The following SUCLG2 variants were observed in gnomAD, a reference collection of about 807,000 sequenced individuals.
SUCLG2 encodes succinate-CoA ligase GDP-forming subunit beta, also known as succinate--CoA ligase [GDP-forming] subunit beta, mitochondrial.
Under a neutral mutation model 47.9 loss-of-function variants are expected in SUCLG2, and 42 were observed. The observed-to-expected ratio is 0.88, with a 90% CI of 0.69 to 1.14. SUCLG2 has a LOEUF of 1.14. Among genes scored for constraint, SUCLG2 ranks in the 50% most tolerant of loss-of-function variants. SUCLG2 has a pLI of 0.00. For missense variants in SUCLG2, 571 were observed against 525.9 expected, an observed-to-expected ratio of 1.09 and a Z score of -0.84; for synonymous variants, 195 against 197.3, an observed-to-expected ratio of 0.99 and a Z score of 0.10.
At chr3:67,628,489 T>C (rs1010708558) in intron 1 of SUCLG2, among the ~76,000 whole-genome samples, 3 of 152,210 alleles carry the variant, frequency 2.0e-5, no homozygotes, top group Admixed American at 2.0e-4. Flanking sequence ...GAAGGGTGTC[T>C]AGCTGACCAC....
chr3:67,637,053 G>A (rs1197607972), intron 1 of SUCLG2, among the ~76,000 whole-genome samples: 2 of 152,094 alleles, frequency 1.3e-5, no homozygotes, highest in African/African-American at 4.8e-5. Flanking sequence ...CAGGAAGAGA[G>A]AGGGGCAGCT....
chr3:67,606,997 C>T (rs1422949429), intron 2 of SUCLG2, among the ~76,000 whole-genome samples: 6 of 152,152 alleles, frequency 3.9e-5, no homozygotes, highest in South Asian at 2.1e-4. Flanking sequence ...AAAGTACCTG[C>T]GACTTACTCT....
rs138428557 is a variant in SUCLG2 at position 67,616,180 on chromosome 3, G to A, written c.85-6584C>T. On this transcript the variant is annotated intron_variant, in intron 1 of 10. Transcript: ENST00000307227. The stretch of plus-strand genomic sequence containing the variant: ...TGGATTATAAGAGTTACAACATGGG[G>A]GATGTCACCTGACCCACATGTGCAT... 4.0e-3 allele frequency among the ~76,000 whole-genome samples: 615 copies of A among 152,148 alleles called. 2 individuals are homozygous for A. The highest frequency in any genetic ancestry group is 0.027 in the Middle Eastern group (8 of 294).
intron 9 of SUCLG2, chr3:67,408,775 T>C (rs1352170477): frequency 7.4e-7 from 1 of 1,354,012 alleles, no homozygotes; most frequent in Non-Finnish European, 9.5e-7. Flanking sequence ...AATTATGTAT[T>C]ATAACTTTCC....
At chr3:67,537,844 T>C (rs11928786) in intron 2 of SUCLG2, among the ~76,000 whole-genome samples, 3,395 of 152,340 alleles carry the variant, frequency 0.022, 128 homozygotes, top group African/African-American at 0.078. Flanking sequence ...TTTTTTCATG[T>C]TTGTTGGCCA....
chr3:67,485,612 A>G (rs1279777927), intron 9 of SUCLG2, among the ~76,000 whole-genome samples: 1 of 152,228 alleles, frequency 6.6e-6, no homozygotes, highest in Non-Finnish European at 1.5e-5. Flanking sequence ...TTTTAAAATG[A>G]TAATAGTGGT....
chr3:67,535,411 G>A (rs1485004571), intron 2 of SUCLG2, among the ~76,000 whole-genome samples: 1 of 151,960 alleles, frequency 6.6e-6, no homozygotes, highest in East Asian at 1.9e-4. Flanking sequence ...AGGAGGAGCT[G>A]GGGAAAAGGA....
chr3:67,594,345 C>T (rs1189099508), intron 2 of SUCLG2, among the ~76,000 whole-genome samples: 1 of 152,218 alleles, frequency 6.6e-6, no homozygotes, highest in African/African-American at 2.4e-5. Context: ...TGCCAGACCT[C>T]ACCATACTAT....
rs138064787 is a variant in SUCLG2, at chr3:67,410,866, C to T, written c.1063-10015G>A. 2.0e-3 allele frequency among the ~76,000 whole-genome samples: 311 copies of T among 152,266 alleles called. 2 individuals are homozygous for T. The highest frequency in any genetic ancestry group is 0.016 in the Admixed American group (245 of 15,288). On this transcript the variant is annotated intron_variant, in intron 9 of 10. Transcript: ENST00000307227. ...AGATAATTGCTTTCAAAGCAGGATA[C>T]TCATTGCTTATAATGCAGTATCTAT...
At chr3:67,461,079 T>C (rs528249688) in intron 9 of SUCLG2, among the ~76,000 whole-genome samples, 2 of 152,290 alleles carry the variant, frequency 1.3e-5, no homozygotes, top group Non-Finnish European at 1.5e-5. Flanking sequence ...CTGAAAGACA[T>C]TCCAATTACA....
intron 2 of SUCLG2, among the ~76,000 whole-genome samples, chr3:67,552,396 G>C (rs1188221962): frequency 6.6e-6 from 1 of 152,168 alleles, no homozygotes; most frequent in East Asian, 1.9e-4. Flanking sequence ...CCACTCTATT[G>C]GTGTATTCAT....
At chr3:67,428,420 T>C (rs913510571) in intron 9 of SUCLG2, among the ~76,000 whole-genome samples, 1 of 152,064 alleles carries the variant, frequency 6.6e-6, no homozygotes, top group African/African-American at 2.4e-5. Context: ...AGAAAGGACA[T>C]CCACACCGAA....
chr3:67,509,955 G>C (rs1468619165), intron 6 of SUCLG2, among the ~76,000 whole-genome samples: 1 of 152,120 alleles, frequency 6.6e-6, no homozygotes, highest in East Asian at 1.9e-4. Flanking sequence ...GCAGTGGTGA[G>C]AGATGGAGGT....
At chr3:67,456,627 TAAGCC>T (rs1397432965) in intron 9 of SUCLG2, among the ~76,000 whole-genome samples, 2 of 152,200 alleles carry the variant, frequency 1.3e-5, no homozygotes, top group African/African-American at 4.8e-5. Flanking sequence ...AAATCAATTG[TAAGCC>T]AGACAGGAAA....
intron 10 of SUCLG2, among the ~76,000 whole-genome samples, chr3:67,393,844 C>A (rs539076370): frequency 2.0e-5 from 3 of 152,162 alleles, no homozygotes; most frequent in African/African-American, 7.2e-5. Flanking sequence ...AACGATCAGA[C>A]AGCAGCATTC....
intron 9 of SUCLG2, among the ~76,000 whole-genome samples, chr3:67,484,634 G>A (rs1325822733): frequency 2.6e-5 from 4 of 151,864 alleles, no homozygotes; most frequent in Admixed American, 1.3e-4. Flanking sequence ...TGGGGAAGGG[G>A]GCAAACAAAC....
chr3:67,570,141 C>A (rs1707567712), intron 2 of SUCLG2, among the ~76,000 whole-genome samples: 1 of 152,198 alleles, frequency 6.6e-6, no homozygotes, highest in Non-Finnish European at 1.5e-5. Context: ...AGGTAATCAT[C>A]TGCAAGTCAA....
At chr3:67,408,766 A>C (rs1272013151) in intron 9 of SUCLG2, 1 of 1,345,890 alleles carries the variant, frequency 7.4e-7, no homozygotes, top group Non-Finnish European at 9.5e-7. Context: ...AGGTGCTAAA[A>C]TTATGTATTA....
chr3:67,362,748 C>T (rs1453217430), intron 10 of SUCLG2, among the ~76,000 whole-genome samples: 4 of 152,130 alleles, frequency 2.6e-5, no homozygotes, highest in Non-Finnish European at 5.9e-5. Flanking sequence ...ACATTTGTAG[C>T]CTTCTCGAGA....
Sources: allele counts gnomAD v4.1 joint callset (sites outside exome capture counted in the v4.1 genomes callset), GRCh38; gene constraint gnomAD v4.1.1; transcripts MANE v1.5; gene names NCBI Gene and HGNC (gene_info 2026-07-23, HGNC 2026-07-21).